Variants in MACROD2 observed in about 807,000 individuals in gnomAD.
MACROD2 encodes the protein mono-ADP ribosylhydrolase 2, also known as ADP-ribose glycohydrolase MACROD2.
A neutral mutation model predicts 70.4 loss-of-function variants in MACROD2; 36 were observed. The ratio of observed to expected loss-of-function variants is 0.51; its 90% CI spans 0.39 to 0.68. MACROD2 has a LOEUF of 0.68. MACROD2 is among the 30% of genes least tolerant of loss of function. The pLI, the probability that MACROD2 is intolerant of heterozygous loss-of-function variation, is 0.00. For missense variants in MACROD2, 496 were observed against 538.4 expected (o/e 0.92, Z 0.78); for synonymous variants, 172 against 178.8 (o/e 0.96, Z 0.30).
chr20:15,772,910 G>A (rs2051660708), intron 8 of MACROD2, among the ~76,000 whole-genome samples: 1 of 152,052 alleles, frequency 6.6e-6, no homozygotes, highest in South Asian at 2.1e-4. Context: ...AAAAAAATCA[G>A]ATCTTGTGAG....
intron 5 of MACROD2, among the ~76,000 whole-genome samples, chr20:15,125,485 T>G (rs1339999904): frequency 6.6e-6 from 1 of 152,096 alleles, no homozygotes; most frequent in Non-Finnish European, 1.5e-5. Flanking sequence ...CAACCAACAT[T>G]TATCAAATAC....
chr20:14,233,259 C>G (rs1242001013), intron 3 of MACROD2, among the ~76,000 whole-genome samples: 1 of 152,148 alleles, frequency 6.6e-6, no homozygotes. Flanking sequence ...GTGAGCACAT[C>G]CGCTTGGGAA....
intron 5 of MACROD2, among the ~76,000 whole-genome samples, chr20:14,982,377 A>G (rs2074808742): frequency 6.6e-6 from 1 of 152,186 alleles, no homozygotes; most frequent in African/African-American, 2.4e-5. Context: ...TTGCATAAGT[A>G]ATGAGGAGCT....
chr20:14,810,332 C>CA (rs200038698), intron 5 of MACROD2, among the ~76,000 whole-genome samples: 1 of 151,976 alleles, frequency 6.6e-6, no homozygotes, highest in African/African-American at 2.4e-5. Context: ...GAACCATTGA[C>CA]AAAAACCACA....
chr20:14,647,174 G>A (rs922405658), intron 4 of MACROD2, among the ~76,000 whole-genome samples: 1 of 152,054 alleles, frequency 6.6e-6, no homozygotes, highest in African/African-American at 2.4e-5. Context: ...AATTCAGGAG[G>A]ATTTATTTGG....
chr20:14,150,804 G>T (rs1194011948), intron 3 of MACROD2, among the ~76,000 whole-genome samples: 1 of 152,124 alleles, frequency 6.6e-6, no homozygotes, highest in Non-Finnish European at 1.5e-5. Context: ...TAAGAAAAAT[G>T]ATGAGGAATC....
chr20:14,247,765 G>A (rs1335868674), intron 3 of MACROD2, among the ~76,000 whole-genome samples: 4 of 152,170 alleles, frequency 2.6e-5, no homozygotes, highest in African/African-American at 9.7e-5. Context: ...AATCATGTCA[G>A]TTTATAAAAT....
At chr20:15,291,174 A>G (rs76436264) in intron 6 of MACROD2, among the ~76,000 whole-genome samples, 2,505 of 152,282 alleles carry the variant, frequency 0.016, 80 homozygotes, top group African/African-American at 0.058. Context: ...CATTTTCAGA[A>G]TTTCTGATTT....
intron 5 of MACROD2, among the ~76,000 whole-genome samples, chr20:15,130,683 A>G (rs2076098683): frequency 6.6e-6 from 1 of 152,162 alleles, no homozygotes; most frequent in Non-Finnish European, 1.5e-5. Context: ...ATCAGTAAAC[A>G]AAAGAGGAGA....
intron 7 of MACROD2, among the ~76,000 whole-genome samples, chr20:15,439,244 C>A (rs1468888): frequency 0.64 from 97,088 of 152,028 alleles, 31,927 homozygotes; most frequent in African/African-American, 0.78. Context: ...CAGTAGCTGC[C>A]ATTTCTCACA....
At chr20:14,933,480 G>A (rs1023931200) in intron 5 of MACROD2, among the ~76,000 whole-genome samples, 3 of 151,990 alleles carry the variant, frequency 2.0e-5, no homozygotes, top group African/African-American at 7.3e-5. Context: ...AAGAGTTTGA[G>A]ACCAGCCTGG....
At chr20:14,669,392 G>C (rs774956872) in intron 4 of MACROD2, among the ~76,000 whole-genome samples, 4 of 152,084 alleles carry the variant, frequency 2.6e-5, no homozygotes, top group Non-Finnish European at 5.9e-5. Flanking sequence ...CCAAGTAAAA[G>C]TTCAGAGTGA....
At chr20:15,921,950 G>A (rs966473405) in intron 10 of MACROD2, among the ~76,000 whole-genome samples, 2 of 152,244 alleles carry the variant, frequency 1.3e-5, no homozygotes, top group Non-Finnish European at 2.9e-5. Flanking sequence ...CACTCCAGGG[G>A]CATGGATGCC....
chr20:14,138,264 T>A (rs1482906226), intron 3 of MACROD2, among the ~76,000 whole-genome samples: 2 of 152,138 alleles, frequency 1.3e-5, no homozygotes, highest in Non-Finnish European at 2.9e-5. Flanking sequence ...TGGGGACTCA[T>A]CTGATGGAGA....
chr20:15,951,352 A>ACAG (rs1414285468), intron 12 of MACROD2, among the ~76,000 whole-genome samples: 3 of 91,878 alleles, frequency 3.3e-5, no homozygotes, highest in African/African-American at 1.0e-4. Flanking sequence ...CACACACACA[A>ACAG]AGAGAGAGAG....
At chr20:14,206,788 C>T (rs1326787118) in intron 3 of MACROD2, among the ~76,000 whole-genome samples, 3 of 151,868 alleles carry the variant, frequency 2.0e-5, no homozygotes, top group Admixed American at 2.0e-4. Flanking sequence ...CTAGCAATAA[C>T]ATGGTCATAT....
chr20:15,683,514 A>G (rs911269543), intron 8 of MACROD2, among the ~76,000 whole-genome samples: 3 of 152,226 alleles, frequency 2.0e-5, no homozygotes, highest in Non-Finnish European at 2.9e-5. Context: ...AATTATTCCT[A>G]TCTCAGCATT....
intron 5 of MACROD2, among the ~76,000 whole-genome samples, chr20:14,752,267 C>T (rs2071882754): frequency 1.3e-5 from 2 of 151,946 alleles, no homozygotes; most frequent in Admixed American, 1.3e-4. Flanking sequence ...TCAGACTCAA[C>T]TTAAGCCTAA....
chr20:14,148,119 T>C (rs1397538132), intron 3 of MACROD2, among the ~76,000 whole-genome samples: 1 of 152,234 alleles, frequency 6.6e-6, no homozygotes, highest in Non-Finnish European at 1.5e-5. Context: ...GATAATTGAA[T>C]TTCTTAGCTA....
Sources: allele counts gnomAD v4.1 joint callset (sites outside exome capture counted in the v4.1 genomes callset), GRCh38; gene constraint gnomAD v4.1.1; transcripts MANE v1.5; gene names NCBI Gene and HGNC (gene_info 2026-07-23, HGNC 2026-07-21).